The following PAX2 variants were observed in gnomAD, a reference collection of about 807,000 sequenced individuals.
The protein encoded by PAX2 is paired box 2.
PAX2 carries 9 observed loss-of-function variants against 41.7 expected under a neutral mutation model. That is an observed-to-expected ratio of 0.22 (90% CI 0.13 to 0.38). The LOEUF is 0.38. Ranked by LOEUF, PAX2 falls within the 10% of genes least tolerant of loss-of-function variation. The probability of loss-of-function intolerance (pLI) is 1.00; values close to 1 mark genes in which losing one functional copy is unlikely to be tolerated. For synonymous variants in PAX2, 221 were observed against 212.7 expected, an observed-to-expected ratio of 1.04 and a Z score of -0.34; for missense variants, 418 against 531.6, an observed-to-expected ratio of 0.79 and a Z score of 2.10.
chr10:100,770,103 T>C (rs1846161367), intron 3 of PAX2, among the ~76,000 whole-genome samples: 1 of 152,090 alleles, frequency 6.6e-6, no homozygotes, highest in Non-Finnish European at 1.5e-5. Context: ...AATGCCTGAG[T>C]AGGCGAAAGG....
chr10:100,808,102 C>T (rs1847858262), intron 6 of PAX2, among the ~76,000 whole-genome samples: 1 of 152,128 alleles, frequency 6.6e-6, no homozygotes, highest in African/African-American at 2.4e-5. Flanking sequence ...TCATTTTTCC[C>T]CCTGAAACTC....
At chr10:100,767,537 A>G (rs1374315413) in intron 3 of PAX2, among the ~76,000 whole-genome samples, 1 of 152,208 alleles carries the variant, frequency 6.6e-6, no homozygotes, top group East Asian at 1.9e-4. Flanking sequence ...AGCTGGGTGC[A>G]GGAATTCCCC....
intron 7 of PAX2, among the ~76,000 whole-genome samples, chr10:100,815,225 G>A (rs114988801): frequency 0.01 from 1,523 of 152,290 alleles, 24 homozygotes; most frequent in South Asian, 0.044. Flanking sequence ...GCCAGCCCCC[G>A]GGGGAGGAGA....
rs1033814958 is a variant in PAX2 at position 100,828,709 on chromosome 10, G to C, written c.*1090G>C. The C allele has an allele frequency of 4.3e-6, 1 of 231,470 alleles. No homozygotes were observed. 14.3% of individuals were successfully genotyped at this position (231,470 alleles called of 1,614,324 possible). ...GTCTGAGCTGCTGCGGGGTGGAAGT[G>C]GGGGGCTGCCCACTCCACTCCTCCC... On this transcript the variant is annotated 3_prime_UTR_variant, in exon 10 of 10. Coordinates refer to ENST00000355243, the MANE Select transcript of PAX2 (RefSeq NM_000278.5). The surrounding 1 kb of genome is among the most constrained non-coding windows in gnomAD (Gnocchi z 6.5).
rs969368567 is a variant in PAX2 at position 100,750,192 on chromosome 10, C to T, written c.212+278C>T. ...GCTTCAGAAAGGGAAGGATGACTTT[C>T]CTAATGGAGTTAAGGCAGATACGGG... On this transcript the variant is annotated intron_variant, in intron 2 of 9. Transcript: ENST00000355243. This position sits in a 1 kb window ranked among gnomAD's most constrained non-coding sequence, Gnocchi z 4.1. Among the ~76,000 whole-genome samples, 5 of 151,962 alleles carry T rather than the reference C, an allele frequency of 3.3e-5. No individual in the cohort carries two copies. The highest frequency in any genetic ancestry group is 2.0e-4 in the Admixed American group (3 of 15,276).
At chr10:100,802,717 T>A (rs1847608266) in intron 5 of PAX2, among the ~76,000 whole-genome samples, 1 of 152,158 alleles carries the variant, frequency 6.6e-6, no homozygotes, top group Admixed American at 6.5e-5. Context: ...TGCCACAAGG[T>A]GCTCTTTGAC....
Position 100,824,838 on chromosome 10 carries a change from G to T in PAX2, c.1021+89G>T. ...GAATGGTCTGTAGTCTGAGGCTGGG[G>T]TGGGGGGAGACACAACGTCCCCTCC... is the stretch of plus-strand genomic sequence containing the variant. On this transcript the variant is annotated intron_variant, in intron 8 of 9. Coordinates refer to ENST00000355243, the MANE Select transcript of PAX2 (RefSeq NM_000278.5). This position sits in a 1 kb window ranked among gnomAD's most constrained non-coding sequence, Gnocchi z 6.6. 1 of 1,512,868 alleles carries T rather than the reference G, an allele frequency of 6.6e-7. No individual in the cohort carries two copies. The highest frequency in any genetic ancestry group is 9.2e-7 in the Non-Finnish European group (1 of 1,087,712). 93.7% of individuals were successfully genotyped at this position (1,512,868 alleles called of 1,614,324 possible).
At chr10:100,815,983 G>A (rs953945487) in intron 7 of PAX2, among the ~76,000 whole-genome samples, 11 of 152,158 alleles carry the variant, frequency 7.2e-5, no homozygotes, top group African/African-American at 2.7e-4. Flanking sequence ...ACGTAGTTCT[G>A]GTGTTTTCTA....
chr10:100,817,369 C>T (rs1170558173), intron 7 of PAX2, among the ~76,000 whole-genome samples: 2 of 152,182 alleles, frequency 1.3e-5, no homozygotes, highest in Non-Finnish European at 2.9e-5. Context: ...CCAACATTCC[C>T]TGGTGTTATC....
At chr10:100,749,975 C>CTCCACG in intron 2 of PAX2, 61 bp downstream of exon 2, 3 of 1,569,818 alleles carry the variant, frequency 1.9e-6, no homozygotes, top group Non-Finnish European at 2.6e-6. Context: ...AGCCCTGGGT[C>CTCCACG]TCCAGCTGGA....
upstream of PAX2, among the ~76,000 whole-genome samples, chr10:100,743,472 C>A (rs1026372064): frequency 2.0e-5 from 3 of 152,068 alleles, no homozygotes; most frequent in Non-Finnish European, 4.4e-5. Context: ...GTTCACACAC[C>A]CCGAGACAAA....
intron 3 of PAX2, among the ~76,000 whole-genome samples, chr10:100,778,397 G>T (rs2133891746): frequency 6.6e-6 from 1 of 152,264 alleles, no homozygotes; most frequent in Admixed American, 6.5e-5. Flanking sequence ...GAGCTTTTTT[G>T]GGGATTAAGT....
At chr10:100,767,035 A>C (rs1846053723) in intron 3 of PAX2, among the ~76,000 whole-genome samples, 1 of 152,202 alleles carries the variant, frequency 6.6e-6, no homozygotes, top group African/African-American at 2.4e-5. Context: ...ATACCACAAA[A>C]CACCAAGTAA....
chr10:100,798,285 T>A (rs1490491737), intron 5 of PAX2, among the ~76,000 whole-genome samples: 1 of 151,738 alleles, frequency 6.6e-6, no homozygotes, highest in East Asian at 1.9e-4. Flanking sequence ...CCAGCTAATT[T>A]TTATATTTTT....
intron 3 of PAX2, among the ~76,000 whole-genome samples, chr10:100,753,565 G>A (rs1589816628): frequency 6.6e-6 from 1 of 152,172 alleles, no homozygotes; most frequent in Non-Finnish European, 1.5e-5. Flanking sequence ...TGGTTCTTGA[G>A]TTTAGAGCTT....
chr10:100,767,089 A>G (rs978157655), intron 3 of PAX2, among the ~76,000 whole-genome samples: 2 of 152,206 alleles, frequency 1.3e-5, no homozygotes, highest in African/African-American at 4.8e-5. Flanking sequence ...ACAATGCAAT[A>G]ATACACGGTA....
intron 7 of PAX2, among the ~76,000 whole-genome samples, chr10:100,811,785 G>A (rs184934368): frequency 6.6e-6 from 1 of 152,338 alleles, no homozygotes; most frequent in East Asian, 1.9e-4. Flanking sequence ...AGTGCCCATA[G>A]CCTGGCTTAG....
At chr10:100,812,350 G>A (rs74152684) in intron 7 of PAX2, among the ~76,000 whole-genome samples, 1,594 of 152,308 alleles carry the variant, frequency 0.01, 30 homozygotes, top group African/African-American at 0.036. Flanking sequence ...TCCAGCCCAC[G>A]GCTCTAGGCT....
In PAX2 at chr10:100,786,951, T is replaced by C. The variant is rs779161685; in HGVS notation, c.616+5586T>C. On this transcript the variant is annotated intron_variant, in intron 5 of 9. Coordinates refer to ENST00000355243, the MANE Select transcript of PAX2 (RefSeq NM_000278.5). ...TCTCTTATTTGCTCTAGTTGAGGTA[T>C]ACACTGATCCTGCCCACATTAGAGG... 5.8e-6 allele frequency: 8 copies of C among 1,387,938 alleles called. No individual in the cohort carries two copies. The South Asian group carries it at 6.8e-5, about 12-fold the overall frequency. 86.0% of individuals were successfully genotyped at this position (1,387,938 alleles called of 1,614,324 possible).
Sources: allele counts gnomAD v4.1 joint callset (sites outside exome capture counted in the v4.1 genomes callset), GRCh38; gene constraint gnomAD v4.1.1; non-coding constraint Gnocchi (gnomAD v3.1); transcripts MANE v1.5; gene names NCBI Gene and HGNC (gene_info 2026-07-23, HGNC 2026-07-21).